Variants in SEC63 observed in about 807,000 individuals in gnomAD.
The protein encoded by SEC63 is SEC63 protein translocation regulator.
Under a neutral mutation model 116.2 loss-of-function variants are expected in SEC63, and 56 were observed. The observed-to-expected ratio is 0.48, with a 90% CI of 0.39 to 0.60. The LOEUF (loss-of-function observed/expected upper bound fraction) is 0.60. Among genes scored for constraint, SEC63 ranks in the 20% least tolerant of loss-of-function variants. The pLI is 0.00. For synonymous variants in SEC63, 273 were observed against 294.6 expected (o/e 0.93, Z 0.75); for missense variants, 668 against 900.0 (o/e 0.74, Z 3.30).
In SEC63 at chr6:107,924,901, A is replaced by C; in HGVS notation, c.256T>G (p.Phe86Val). Residue 86 changes from phenylalanine to valine, a missense_variant, in exon 3 of 21, where the codon TTC becomes GTC. By Grantham distance (50) the Phe-to-Val change is conservative. This residue lies in a region of SEC63 where 142 missense variants were observed against 169.5 expected (regional missense o/e 0.84). Coordinates refer to ENST00000369002, the MANE Select transcript of SEC63 (RefSeq NM_007214.5). ...KIVLLAGWAL[F>V]LFLAYKVSKT... ...GAAACTTTATATGCAAGGAATAAGAACAATGCCCATCCTGCAAGCAGAACT... is the reference window on the plus strand; with the variant it reads ...GAAACTTTATATGCAAGGAATAAGACCAATGCCCATCCTGCAAGCAGAACT... 1 of 1,599,960 alleles carries C rather than the reference A, an allele frequency of 6.3e-7. No homozygotes were observed. Among genetic ancestry groups the C allele is most frequent in the Non-Finnish European group, 8.6e-7 (1 of 1,167,312 alleles).
At chr6:107,941,942 G>A (rs1202861416) in intron 1 of SEC63, among the ~76,000 whole-genome samples, 1 of 152,152 alleles carries the variant, frequency 6.6e-6, no homozygotes, top group African/African-American at 2.4e-5. Context: ...AATTGAAAGA[G>A]ACAAAAATAA....
chr6:107,902,772 A>T, intron 12 of SEC63, 72 bp downstream of exon 12: 2 of 1,398,818 alleles, frequency 1.4e-6, no homozygotes, highest in Non-Finnish European at 2.0e-6. Context: ...TTTCCAGAAA[A>T]CTTTTATTCA....
At chr6:107,955,255 G>C (rs568058817) in intron 1 of SEC63, among the ~76,000 whole-genome samples, 1 of 152,068 alleles carries the variant, frequency 6.6e-6, no homozygotes, top group African/African-American at 2.4e-5. Flanking sequence ...TCCAGCTCCC[G>C]GGTTCAAGCA....
chr6:107,927,335 G>C (rs978180534), intron 2 of SEC63, among the ~76,000 whole-genome samples: 1 of 152,124 alleles, frequency 6.6e-6, no homozygotes, highest in East Asian at 1.9e-4. Flanking sequence ...CAAAGTGCTC[G>C]GATTACAGGC....
At chr6:107,903,058 C>T (rs1463924084) in intron 11 of SEC63, 60 bp from the exon 12 acceptor site, 3 of 1,559,470 alleles carry the variant, frequency 1.9e-6, no homozygotes, top group East Asian at 2.2e-5. Flanking sequence ...CAGGAGTATA[C>T]AATTCATCAC....
chr6:107,897,756 A>C (rs745862414), intron 13 of SEC63, 25 bp from the exon 14 acceptor site: 1 of 1,491,514 alleles, frequency 6.7e-7, no homozygotes, highest in Non-Finnish European at 9.4e-7. Flanking sequence ...GAAAAAAAAC[A>C]GCAAAAAATA....
At chr6:107,877,431 G>C (rs1449677604) in intron 18 of SEC63, 1 of 151,990 alleles carries the variant, frequency 6.6e-6, no homozygotes, top group Non-Finnish European at 1.5e-5. Context: ...GAGAAAACGT[G>C]GGTTTTTTTG....
intron 16 of SEC63, among the ~76,000 whole-genome samples, chr6:107,891,573 CATTCATT>C (rs1361940197): frequency 1.3e-5 from 2 of 152,120 alleles, no homozygotes; most frequent in African/African-American, 4.8e-5. Flanking sequence ...CAGTTCGTCA[CATTCATT>C]CTCCATCCAG....
intron 1 of SEC63, chr6:107,954,772 GA>G (rs938942884): frequency 3.3e-5 from 5 of 152,222 alleles, no homozygotes; most frequent in African/African-American, 1.2e-4. Flanking sequence ...CTGGGCTGCA[GA>G]AAAAAAGTCA....
chr6:107,911,038 G>A lies in SEC63; in HGVS notation c.624+308C>T, dbSNP rs6938094. On this transcript the variant is annotated intron_variant, in intron 7 of 20. Coordinates refer to ENST00000369002, the MANE Select transcript of SEC63 (RefSeq NM_007214.5). Reference sequence around the variant, plus strand: ...TTGTGGGTAATTTTTGAATTGGGAGGATATACACATCATGCTCAAGTAATG... The same window carrying A: ...TTGTGGGTAATTTTTGAATTGGGAGAATATACACATCATGCTCAAGTAATG... 8,398 of 334,728 alleles carry A rather than the reference G, an allele frequency of 0.025. 598 individuals carry two copies. The highest frequency in any genetic ancestry group is 0.16 in the African/African-American group (7,405 of 46,590). The allele number at this position is 334,728 out of a possible 1,614,324, so 20.7% of individuals were successfully genotyped here.
At chr6:107,878,206 A>G (rs765090233) in intron 18 of SEC63, among the ~76,000 whole-genome samples, 5 of 152,238 alleles carry the variant, frequency 3.3e-5, no homozygotes, top group African/African-American at 1.2e-4. Flanking sequence ...TGTTTTAAAG[A>G]CACAGAAACC....
chr6:107,911,544 A>G, intron 6 of SEC63, 148 bp from the exon 7 acceptor site: 1 of 680,162 alleles, frequency 1.5e-6, no homozygotes. Context: ...TCAAACTCCA[A>G]GAGGAAGGTA....
At chr6:107,937,175 T>C (rs1397891765) in intron 1 of SEC63, among the ~76,000 whole-genome samples, 1 of 145,032 alleles carries the variant, frequency 6.9e-6, no homozygotes, top group Non-Finnish European at 1.5e-5. Flanking sequence ...CAGGCTGGAG[T>C]GCAATGGCGC....
At chr6:107,955,543 T>TA (rs1446937631) in intron 1 of SEC63, among the ~76,000 whole-genome samples, 2 of 152,216 alleles carry the variant, frequency 1.3e-5, no homozygotes, top group Admixed American at 6.5e-5. Flanking sequence ...TCCCTCCACC[T>TA]AAACTACCAC....
At chr6:107,899,220 T>C (rs1786938529) in intron 13 of SEC63, among the ~76,000 whole-genome samples, 2 of 152,176 alleles carry the variant, frequency 1.3e-5, no homozygotes, top group Admixed American at 6.5e-5. Flanking sequence ...GCCCCTTTCC[T>C]GCTTCTATAT....
chr6:107,877,086 T>TATATATAC (rs1287599670), intron 18 of SEC63: 3 of 165,778 alleles, frequency 1.8e-5, no homozygotes, highest in African/African-American at 7.4e-5. Flanking sequence ...TATATATATA[T>TATATATAC]ACACATATAT....
At chr6:107,953,860 G>A (rs562171380) in intron 1 of SEC63, among the ~76,000 whole-genome samples, 67 of 143,778 alleles carry the variant, frequency 4.7e-4, no homozygotes, top group Middle Eastern at 7.2e-3. Flanking sequence ...TCAGCCCCCC[G>A]CCCGGCCAGC....
chr6:107,869,827 T>C lies in SEC63; in HGVS notation c.*1877A>G, dbSNP rs1435955959. The C allele has an allele frequency of 6.7e-6, 1 of 148,328 alleles. No individual in the cohort carries two copies. Among genetic ancestry groups the C allele is most frequent in the Non-Finnish European group, 1.5e-5 (1 of 67,376 alleles). The allele number at this position is 148,328 out of a possible 1,614,324, so 9.2% of individuals were successfully genotyped here. On this transcript the variant is annotated 3_prime_UTR_variant, in exon 21 of 21. Coordinates refer to ENST00000369002, the MANE Select transcript of SEC63 (RefSeq NM_007214.5). ...GTGGTGTTACTAGGTTATCATCCTC[T>C]CCAGAATCTTAAAACCAGAGAAGCC...
intron 1 of SEC63, among the ~76,000 whole-genome samples, chr6:107,946,331 C>T (rs1046968302): frequency 6.6e-6 from 1 of 151,704 alleles, no homozygotes; most frequent in African/African-American, 2.4e-5. Context: ...CTCCCGGGTC[C>T]AAGCAATTCT....
Sources: allele counts gnomAD v4.1 joint callset (sites outside exome capture counted in the v4.1 genomes callset), GRCh38; gene constraint gnomAD v4.1.1; regional missense constraint gnomAD v4.1.1; transcripts MANE v1.5; gene names NCBI Gene and HGNC (gene_info 2026-07-23, HGNC 2026-07-21).